Variants in BTBD9 observed in about 807,000 individuals in gnomAD.
The protein encoded by BTBD9 is BTB/POZ domain-containing protein 9.
A neutral mutation model predicts 64.3 loss-of-function variants in BTBD9; 49 were observed. The observed-to-expected ratio is 0.76, with a 90% CI of 0.61 to 0.97. BTBD9 has a LOEUF of 0.97. BTBD9 is among the 50% of genes least tolerant of loss of function. The pLI, the probability that BTBD9 is intolerant of heterozygous loss-of-function variation, is 0.00. For synonymous variants in BTBD9, 260 were observed against 274.7 expected (o/e 0.95, Z 0.53); for missense variants, 598 against 762.1 (o/e 0.78, Z 2.53).
intron 6 of BTBD9, among the ~76,000 whole-genome samples, chr6:38,509,147 C>A (rs1419496665): frequency 6.6e-6 from 1 of 152,140 alleles, no homozygotes; most frequent in Non-Finnish European, 1.5e-5. Context: ...AACCCAATAC[C>A]CAGCATAGTG....
In BTBD9 at chr6:38,302,485, G is replaced by GTATGTGTGTGTA. The variant is rs1384155514; in HGVS notation, c.1265-14025_1265-14024insTACACACACATA. 1.7e-3 allele frequency among the ~76,000 whole-genome samples: 184 copies of GTATGTGTGTGTA among 106,892 alleles called. 1 individual carries two copies. The highest frequency in any genetic ancestry group is 6.4e-3 in the African/African-American group (180 of 28,232). 70.1% of individuals were successfully genotyped at this position (106,892 alleles called of 152,430 possible). ...CTGAATAATATTCCATTGTGTGTATGTATATATATATATATATATATATAT... is the reference window on the plus strand; with the variant it reads ...CTGAATAATATTCCATTGTGTGTATGTATGTGTGTGTATATATATATATATATATATATATAT... On this transcript the variant is annotated intron_variant, in intron 7 of 10. Coordinates refer to ENST00000481247, the MANE Select transcript of BTBD9 (RefSeq NM_001099272.2).
intron 6 of BTBD9, among the ~76,000 whole-genome samples, chr6:38,488,551 G>A (rs769189707): frequency 3.9e-5 from 6 of 152,112 alleles, no homozygotes; most frequent in Non-Finnish European, 7.3e-5. Flanking sequence ...GGGCTCCTAG[G>A]CCACGTCTAT....
At chr6:38,498,866 G>C (rs570343490) in intron 6 of BTBD9, among the ~76,000 whole-genome samples, 1 of 152,138 alleles carries the variant, frequency 6.6e-6, no homozygotes, top group East Asian at 1.9e-4. Flanking sequence ...CAAAACAAAT[G>C]GAGCCCTAAA....
At chr6:38,444,217 T>A (rs1284017108) in intron 6 of BTBD9, among the ~76,000 whole-genome samples, 1 of 152,220 alleles carries the variant, frequency 6.6e-6, no homozygotes, top group African/African-American at 2.4e-5. Context: ...CTTCAATGAC[T>A]GTCTACTTCA....
chr6:38,556,540 TGTGTGTGTGTGAGA>T (rs770493872), intron 6 of BTBD9, among the ~76,000 whole-genome samples: 53 of 55,518 alleles, frequency 9.5e-4, no homozygotes, highest in African/African-American at 3.8e-3. Context: ...TGTGTGTGTG[TGTGTGTGTGTGAGA>T]GAGAGAGAGA....
At chr6:38,188,072 A>G (rs1761895003) in intron 10 of BTBD9, among the ~76,000 whole-genome samples, 1 of 152,216 alleles carries the variant, frequency 6.6e-6, no homozygotes. Flanking sequence ...GCACACCTAC[A>G]GCAGGCAAGA....
intron 6 of BTBD9, among the ~76,000 whole-genome samples, chr6:38,450,264 T>C (rs72852657): frequency 0.05 from 7,655 of 152,260 alleles, 285 homozygotes; most frequent in Middle Eastern, 0.14. Flanking sequence ...CTGCGGTGTT[T>C]AGCAGGGAGG....
intron 1 of BTBD9, among the ~76,000 whole-genome samples, chr6:38,599,987 C>T (rs1777187725): frequency 6.6e-6 from 1 of 152,332 alleles, no homozygotes. Flanking sequence ...TCTCCCTCAA[C>T]TGCAGCCTCC....
At chr6:38,304,922 A>G (rs894147103) in intron 7 of BTBD9, among the ~76,000 whole-genome samples, 14 of 152,222 alleles carry the variant, frequency 9.2e-5, no homozygotes, top group Admixed American at 2.0e-4. Flanking sequence ...CAGTACTACA[A>G]TCTGATCTAA....
chr6:38,238,459 C>A (rs9462415), intron 9 of BTBD9, among the ~76,000 whole-genome samples: 2 of 145,086 alleles, frequency 1.4e-5, no homozygotes, highest in African/African-American at 5.1e-5. Flanking sequence ...TAAGCTGTTG[C>A]GGAGACCAAG....
rs533562040 is a variant in BTBD9, at chr6:38,364,498, G to A, written c.1155-19405C>T. ...AACAAGAGTTGTGTTTTATGATTAA[G>A]TGGAAATTGGTTATTTGCTTTAAAT... On this transcript the variant is annotated intron_variant, in intron 6 of 10. Transcript: ENST00000481247. Among the ~76,000 whole-genome samples the A allele has an allele frequency of 2.6e-5, 4 of 152,158 alleles. No homozygotes were observed. In the East Asian group the frequency reaches 7.7e-4, roughly 29 times the overall value.
At chr6:38,328,304 T>C (rs1763519392) in intron 7 of BTBD9, among the ~76,000 whole-genome samples, 1 of 152,110 alleles carries the variant, frequency 6.6e-6, no homozygotes, top group South Asian at 2.1e-4. Context: ...GTTACTGTAT[T>C]AGGAGACAGG....
At chr6:38,336,253 G>C (rs965616234) in intron 7 of BTBD9, among the ~76,000 whole-genome samples, 10 of 152,130 alleles carry the variant, frequency 6.6e-5, no homozygotes, top group Non-Finnish European at 1.5e-4. Context: ...TGACCATTTT[G>C]TGTGAATCTC....
At chr6:38,477,678 A>T (rs941074825) in intron 6 of BTBD9, among the ~76,000 whole-genome samples, 2 of 152,208 alleles carry the variant, frequency 1.3e-5, no homozygotes, top group African/African-American at 2.4e-5. Context: ...ACTTAATGCT[A>T]TCAGGGAATA....
Position 38,222,254 on chromosome 6 carries a change from G to GTTTTTTTTTTTTTTTTTTT in BTBD9, c.1563-29658_1563-29657insAAAAAAAAAAAAAAAAAAA, listed in dbSNP as rs771737210. Among the ~76,000 whole-genome samples, 4 of 96,702 alleles carry GTTTTTTTTTTTTTTTTTTT rather than the reference G, an allele frequency of 4.1e-5. 2 individuals carry two copies. The highest frequency in any genetic ancestry group is 7.6e-5 in the Non-Finnish European group (4 of 52,558). 63.4% of individuals were successfully genotyped at this position (96,702 alleles called of 152,430 possible). On this transcript the variant is annotated intron_variant, in intron 9 of 10. Coordinates refer to ENST00000481247, the MANE Select transcript of BTBD9 (RefSeq NM_001099272.2). ...TAAATTAGCCTTAATAATTCATTCA[G>GTTTTTTTTTTTTTTTTTTT]TTGTTTTTTTTTTTTTTTTTTTTTT...
intron 6 of BTBD9, among the ~76,000 whole-genome samples, chr6:38,379,994 TA>T (rs774623297): frequency 2.0e-5 from 3 of 152,086 alleles, no homozygotes; most frequent in Non-Finnish European, 4.4e-5. Flanking sequence ...AAGAAAGAGC[TA>T]AAAGAGTGGT....
At chr6:38,492,254 G>A (rs1771736155) in intron 6 of BTBD9, among the ~76,000 whole-genome samples, 1 of 152,186 alleles carries the variant, frequency 6.6e-6, no homozygotes, top group African/African-American at 2.4e-5. Flanking sequence ...AGTTTTTAAA[G>A]GAGGGAGATG....
intron 6 of BTBD9, among the ~76,000 whole-genome samples, chr6:38,547,529 CT>C (rs1774607848): frequency 6.6e-6 from 1 of 152,168 alleles, no homozygotes; most frequent in African/African-American, 2.4e-5. Flanking sequence ...ACAATTTCAC[CT>C]TCTCTATCCT....
At chr6:38,315,144 G>A (rs531338596) in intron 7 of BTBD9, among the ~76,000 whole-genome samples, 2 of 152,112 alleles carry the variant, frequency 1.3e-5, no homozygotes, top group Non-Finnish European at 2.9e-5. Context: ...CACCATGCCC[G>A]GCCTCTGATT....
Sources: gnomAD v4.1 joint callset for allele counts (sites outside exome capture counted in the v4.1 genomes callset) on GRCh38, gnomAD v4.1.1 for gene constraint, MANE v1.5 for transcripts, NCBI Gene and HGNC (gene_info 2026-07-23, HGNC 2026-07-21) for gene names.